Variants in MRTFB observed in about 807,000 individuals in gnomAD.
MRTFB encodes the protein myocardin related transcription factor B.
A neutral mutation model predicts 104.2 loss-of-function variants in MRTFB; 29 were observed. The observed-to-expected ratio is 0.28, with a 90% CI of 0.21 to 0.38. The LOEUF (loss-of-function observed/expected upper bound fraction) is 0.38. MRTFB is among the 10% of genes least tolerant of loss of function. The pLI, the probability that MRTFB is intolerant of heterozygous loss-of-function variation, is 1.00. For missense variants in MRTFB, 1,270 were observed against 1,341.6 expected, an observed-to-expected ratio of 0.95 and a Z score of 0.83; for synonymous variants, 535 against 519.5, an observed-to-expected ratio of 1.03 and a Z score of -0.41.
chr16:14,141,782 T>C (rs2038009368), intron 3 of MRTFB: 1 of 152,088 alleles, frequency 6.6e-6, no homozygotes, highest in African/African-American at 2.4e-5. Context: ...AAATAAAATG[T>C]GTTTTGCTTT....
Position 14,246,715 on chromosome 16 carries a change from G to T in MRTFB, c.1455G>T (p.Leu485Phe). ...TSSVSTLKAE[L>F]PPTGTSNATR... The stretch of plus-strand genomic sequence containing the variant: ...CAGTCTCTACTCTCAAGGCAGAATT[G>T]CCACCTACAGGAACCAGCAACGCAA... Residue 485 changes from leucine (L) to phenylalanine (F), a missense_variant, in exon 12 of 17, where the codon TTG becomes TTT. Physicochemically the swap from Leu to Phe is conservative, Grantham distance 22. This residue lies in a region of MRTFB where 1,144 missense variants were observed against 1,131.5 expected (regional missense o/e 1.01). Transcript: ENST00000571589. The T allele has an allele frequency of 6.2e-7, 1 of 1,614,140 alleles. No individual in the cohort carries two copies. Among genetic ancestry groups the T allele is most frequent in the Non-Finnish European group, 8.5e-7 (1 of 1,180,036 alleles).
At chr16:13,997,260 A>G in the MRTFB span, among the ~76,000 whole-genome samples, 1 of 152,218 alleles carries the variant, frequency 6.6e-6, no homozygotes, top group Non-Finnish European at 1.5e-5. Flanking sequence ...AGAAGCAGTT[A>G]GCATCATGTA....
intron 3 of MRTFB, among the ~76,000 whole-genome samples, chr16:14,154,829 C>G (rs1364017386): frequency 1.3e-5 from 2 of 152,236 alleles, no homozygotes; most frequent in Admixed American, 6.5e-5. Context: ...TGACCATTGG[C>G]TGGAGGCCAC....
chr16:14,025,121 T>C, the MRTFB span, among the ~76,000 whole-genome samples: 1 of 152,188 alleles, frequency 6.6e-6, no homozygotes, highest in Non-Finnish European at 1.5e-5. Context: ...GGGTACTTGA[T>C]CACAAAAGCT....
intron 2 of MRTFB, among the ~76,000 whole-genome samples, chr16:14,093,540 A>T (rs2035200615): frequency 6.6e-6 from 1 of 152,222 alleles, no homozygotes; most frequent in African/African-American, 2.4e-5. Context: ...AAATCGAGTT[A>T]CAGCATCTCA....
At chr16:14,242,105 G>A (rs969538746) in intron 10 of MRTFB, among the ~76,000 whole-genome samples, 1 of 152,006 alleles carries the variant, frequency 6.6e-6, no homozygotes, top group South Asian at 2.1e-4. Flanking sequence ...AGGAATTGCT[G>A]TTATTGACCC....
At chr16:14,164,564 C>G (rs1016968992) in intron 3 of MRTFB, among the ~76,000 whole-genome samples, 1 of 152,170 alleles carries the variant, frequency 6.6e-6, no homozygotes, top group Admixed American at 6.5e-5. Flanking sequence ...CTGCCTTAAA[C>G]ATGGCAGTGC....
chr16:14,081,644 A>G (rs968538525), intron 2 of MRTFB, among the ~76,000 whole-genome samples: 1 of 151,434 alleles, frequency 6.6e-6, no homozygotes, highest in African/African-American at 2.4e-5. Context: ...CAGTGGTGCA[A>G]TCACGGCTCA....
In MRTFB at chr16:14,130,913, A is replaced by G. The variant is rs574025094; in HGVS notation, c.-63-9631A>G. 2.0e-5 allele frequency among the ~76,000 whole-genome samples: 3 copies of G among 150,476 alleles called. No individual in the cohort carries two copies. In the South Asian group the frequency reaches 6.2e-4, roughly 31 times the overall value. ...CAGATCTCATGAGAAGTCACTAACT[A>G]TCACAAGAACGGCAGCATGGGGGTA... On this transcript the variant is annotated intron_variant, in intron 2 of 16. Transcript: ENST00000571589.
the MRTFB span, among the ~76,000 whole-genome samples, chr16:14,008,318 T>C: frequency 4.1e-4 from 62 of 152,360 alleles, no homozygotes; most frequent in African/African-American, 1.5e-3. Flanking sequence ...TGTTTTCTTC[T>C]AAGAGTTTTA....
intron 2 of MRTFB, among the ~76,000 whole-genome samples, chr16:14,114,805 A>G (rs952111904): frequency 6.6e-6 from 1 of 152,122 alleles, no homozygotes; most frequent in African/African-American, 2.4e-5. Context: ...TCCCATCATA[A>G]TATTGTTACA....
In MRTFB at chr16:14,160,958, T is replaced by A. The variant is rs144852078; in HGVS notation, c.154+20198T>A. On this transcript the variant is annotated intron_variant, in intron 3 of 16. Transcript: ENST00000571589. ...TTCATCTTGGAATTAGCCCTTGCTG[T>A]AAGAATTTCTGGTTCCTTTTAGTGA... 4.4e-3 allele frequency among the ~76,000 whole-genome samples: 665 copies of A among 152,250 alleles called. 5 individuals carry two copies. Among genetic ancestry groups the A allele is most frequent in the African/African-American group, 0.015 (635 of 41,532 alleles).
chr16:14,252,845 T>C (rs2043311127), intron 15 of MRTFB, among the ~76,000 whole-genome samples: 1 of 152,146 alleles, frequency 6.6e-6, no homozygotes, highest in Admixed American at 6.5e-5. Context: ...AAAGCCACCA[T>C]GTGTCAGGCC....
the MRTFB span, among the ~76,000 whole-genome samples, chr16:14,004,484 T>C: frequency 6.6e-6 from 1 of 152,150 alleles, no homozygotes; most frequent in Non-Finnish European, 1.5e-5. Flanking sequence ...AGGCCTGTGC[T>C]CTGACCTCCT....
At chr16:14,052,144 T>TG in the MRTFB span, among the ~76,000 whole-genome samples, 14,607 of 152,038 alleles carry the variant, frequency 0.096, 1,010 homozygotes, top group African/African-American at 0.2. Context: ...GGGTTTTGCA[T>TG]GGGGGGGTGC....
At chr16:14,248,794 T>G in intron 12 of MRTFB, 132 bp from the exon 13 acceptor site, 4 of 842,778 alleles carry the variant, frequency 4.7e-6, no homozygotes, top group Non-Finnish European at 7.2e-6. Flanking sequence ...GCAGATGAAG[T>G]GTGTATCTGT....
the MRTFB span, chr16:14,019,308 C>A: frequency 2.6e-5 from 4 of 152,060 alleles, no homozygotes. Flanking sequence ...AGAAACTTGC[C>A]CCAGCCCTCC....
chr16:14,050,364 AT>A, the MRTFB span, among the ~76,000 whole-genome samples: 3 of 152,020 alleles, frequency 2.0e-5, no homozygotes, highest in African/African-American at 4.8e-5. Context: ...CAAAGTCTCA[AT>A]TTTTTTCCTC....
At chr16:14,229,487 G>A in intron 8 of MRTFB, among the ~76,000 whole-genome samples, 1 of 152,140 alleles carries the variant, frequency 6.6e-6, no homozygotes, top group East Asian at 1.9e-4. Flanking sequence ...AAAAAGCTTT[G>A]TTTTTAAATA....
Sources: allele counts gnomAD v4.1 joint callset (sites outside exome capture counted in the v4.1 genomes callset), GRCh38; gene constraint gnomAD v4.1.1; regional missense constraint gnomAD v4.1.1; transcripts MANE v1.5; gene names NCBI Gene and HGNC (gene_info 2026-07-23, HGNC 2026-07-21).